The following PRTN3 variants were observed in gnomAD, a reference collection of about 807,000 sequenced individuals.
The protein encoded by PRTN3 is myeloblastin.
PRTN3 carries 22 observed loss-of-function variants against 20.7 expected under a neutral mutation model. The observed-to-expected ratio is 1.06, with a 90% CI of 0.76 to 1.52. The LOEUF (loss-of-function observed/expected upper bound fraction) is 1.52. PRTN3 is among the 40% of genes most tolerant of loss of function. The pLI, the probability that PRTN3 is intolerant of heterozygous loss-of-function variation, is 0.00. For missense variants in PRTN3, 378 were observed against 359.6 expected, an observed-to-expected ratio of 1.05 and a Z score of -0.41; for synonymous variants, 173 against 152.9, an observed-to-expected ratio of 1.13 and a Z score of -0.97.
At chr19:846,012 C>T (rs1011201265) in intron 3 of PRTN3, 135 bp from the exon 4 acceptor site, 19 of 566,146 alleles carry the variant, frequency 3.4e-5, no homozygotes, top group Admixed American at 1.0e-4. Context: ...CAAAGGGGGT[C>T]GTGGGGCCCA....
intron 1 of PRTN3, among the ~76,000 whole-genome samples, chr19:842,413 ATTTTTTTTTT>A (rs34047197): frequency 2.5e-5 from 1 of 39,418 alleles, no homozygotes; most frequent in Admixed American, 4.7e-4. Context: ...TGCGCCCAGG[ATTTTTTTTTT>A]TTTTTTTTTT....
At chr19:844,125 C>G (rs981917970) in intron 3 of PRTN3, 91 bp downstream of exon 3, 1 of 1,467,854 alleles carries the variant, frequency 6.8e-7, no homozygotes, top group Non-Finnish European at 9.1e-7. Context: ...TGAGCACCCA[C>G]TGTATACCGG....
intron 4 of PRTN3, among the ~76,000 whole-genome samples, chr19:847,489 A>T (rs1219126195): frequency 4.0e-5 from 6 of 151,624 alleles, no homozygotes; most frequent in Non-Finnish European, 5.9e-5. Context: ...AAAGAAAGAG[A>T]TAGAGAGAGA....
chr19:847,763 G>T (rs909242007), intron 4 of PRTN3, 36 bp from the exon 5 acceptor site: 3 of 1,578,372 alleles, frequency 1.9e-6, no homozygotes, highest in Non-Finnish European at 2.6e-6. Flanking sequence ...GACTCAGGTG[G>T]CCCCTGATGG....
rs2145126658 is a variant in PRTN3, at chr19:843,483, C to CCCGA, written c.84_85insCCGA (p.Val29ProfsTer159). 1.3e-6 allele frequency: 2 copies of CCCGA among 1,577,398 alleles called. No homozygotes were observed. The highest frequency in any genetic ancestry group is 1.7e-6 in the Non-Finnish European group (2 of 1,165,972). On this transcript the variant is annotated frameshift_variant, in exon 2 of 5. Transcript: ENST00000234347. LOFTEE classifies it high-confidence loss of function. ...CAGGTGCTGCCCGAGCTGCGGAGAT[C>CCCGA]GTGGGCGGGCACGAGGCGCAGCCAC... is the stretch of plus-strand genomic sequence containing the variant.
intron 3 of PRTN3, among the ~76,000 whole-genome samples, chr19:844,747 G>T (rs1264228246): frequency 6.6e-6 from 1 of 151,344 alleles, no homozygotes; most frequent in African/African-American, 2.4e-5. Flanking sequence ...ATTTTTGTCT[G>T]TGTTGTTCGT....
At chr19:843,409 C>T (rs1481520113) in intron 1 of PRTN3, 52 bp from the exon 2 acceptor site, 74 of 1,491,468 alleles carry the variant, frequency 5.0e-5, no homozygotes, top group Non-Finnish European at 6.2e-5. Flanking sequence ...CTGCCATCCC[C>T]CCTTTCCCTG....
In PRTN3 at chr19:845,633, G is replaced by A. The variant is rs1422524238; in HGVS notation, c.370-514G>A. Among the ~76,000 whole-genome samples the A allele has an allele frequency of 7.2e-5, 11 of 151,728 alleles. No homozygotes were observed. The East Asian group carries it at 1.7e-3, about 24-fold the overall frequency. On this transcript the variant is annotated intron_variant, in intron 3 of 4. Transcript: ENST00000234347. Reference sequence around the variant, plus strand: ...GGAGGCTGAGGCAGCAGAATTGCTTGAACCCAGGAGGCAGAGGTTGCAGTG... The same window carrying A: ...GGAGGCTGAGGCAGCAGAATTGCTTAAACCCAGGAGGCAGAGGTTGCAGTG...
At chr19:845,527 C>T (rs915678330) in intron 3 of PRTN3, among the ~76,000 whole-genome samples, 10 of 151,648 alleles carry the variant, frequency 6.6e-5, no homozygotes, top group Admixed American at 2.0e-4. Flanking sequence ...CCAGCCTGAT[C>T]GATATGGCAA....
intron 1 of PRTN3, 36 bp downstream of exon 1, chr19:841,105 G>A (rs1369515625): frequency 6.3e-7 from 1 of 1,596,158 alleles, no homozygotes; most frequent in Non-Finnish European, 8.5e-7. Flanking sequence ...CCAGCCTCCA[G>A]GCCCCGGTGG....
At chr19:845,584 G>C (rs2035505541) in intron 3 of PRTN3, among the ~76,000 whole-genome samples, 1 of 151,854 alleles carries the variant, frequency 6.6e-6, no homozygotes, top group African/African-American at 2.4e-5. Flanking sequence ...CGTGACGGCA[G>C]GTGTCTGTAG....
At chr19:846,807 A>G (rs1476443000) in intron 4 of PRTN3, among the ~76,000 whole-genome samples, 1 of 152,022 alleles carries the variant, frequency 6.6e-6, no homozygotes, top group Non-Finnish European at 1.5e-5. Context: ...CAGTGGTGAG[A>G]TCTCAGCTCA....
In PRTN3 at chr19:847,385, C is replaced by T. The variant is rs184814780; in HGVS notation, c.601-414C>T. Among the ~76,000 whole-genome samples, 35 of 151,020 alleles carry T rather than the reference C, an allele frequency of 2.3e-4. No homozygotes were observed. In the East Asian group the frequency reaches 3.9e-3, roughly 17 times the overall value. ...CCGGGAGGCAGAGGTTGCAGTGAGC[C>T]GAGATCACGGCACTGCACTCCAGCC... On this transcript the variant is annotated intron_variant, in intron 4 of 4. Coordinates refer to ENST00000234347, the MANE Select transcript of PRTN3 (RefSeq NM_002777.4).
At chr19:841,107 C>A (rs752877975) in intron 1 of PRTN3, 38 bp downstream of exon 1, 1 of 1,594,748 alleles carries the variant, frequency 6.3e-7, no homozygotes, top group South Asian at 1.1e-5. Flanking sequence ...AGCCTCCAGG[C>A]CCCGGTGGAT....
chr19:846,577 G>T (rs1382685901), intron 4 of PRTN3, among the ~76,000 whole-genome samples, 200 bp downstream of exon 4: 2 of 152,134 alleles, frequency 1.3e-5, no homozygotes, highest in Admixed American at 6.5e-5. Context: ...TGCTTGGGTG[G>T]GTCTGGGGGT....
intron 1 of PRTN3, among the ~76,000 whole-genome samples, chr19:842,300 G>A (rs1053199901): frequency 2.0e-5 from 3 of 146,566 alleles, no homozygotes; most frequent in African/African-American, 5.1e-5. Flanking sequence ...TCTGCAAAAT[G>A]GGTCTCTTTG....
At chr19:847,424 G>A (rs560722823) in intron 4 of PRTN3, among the ~76,000 whole-genome samples, 11 of 151,640 alleles carry the variant, frequency 7.3e-5, no homozygotes, top group Admixed American at 2.6e-4. Context: ...GTGACAGAGC[G>A]AGACTCTGTC....
chr19:842,365 G>GT (rs541539475), intron 1 of PRTN3, among the ~76,000 whole-genome samples: 175 of 72,088 alleles, frequency 2.4e-3, no homozygotes, highest in Non-Finnish European at 3.9e-3. Flanking sequence ...GTTTTGTTTT[G>GT]TTTTTTTGAG....
Position 848,138 on chromosome 19 carries a change from C to A in PRTN3, c.*169C>A, listed in dbSNP as rs2035544156. 1 of 776,258 alleles carries A rather than the reference C, an allele frequency of 1.3e-6. No individual in the cohort carries two copies. Among genetic ancestry groups the A allele is most frequent in the Non-Finnish European group, 2.0e-6 (1 of 498,782 alleles). The allele number at this position is 776,258 out of a possible 1,614,324, so 48.1% of individuals were successfully genotyped here. On this transcript the variant is annotated 3_prime_UTR_variant, in exon 5 of 5. Transcript: ENST00000234347. The stretch of plus-strand genomic sequence containing the variant: ...CTCCGGGAGACAGGCCGGCCCTGCA[C>A]CTCACCCCACCGTGACCTCAATAAA...
Sources: gnomAD v4.1 joint callset for allele counts (sites outside exome capture counted in the v4.1 genomes callset) on GRCh38, gnomAD v4.1.1 for gene constraint, MANE v1.5 for transcripts, NCBI Gene and HGNC (gene_info 2026-07-23, HGNC 2026-07-21) for gene names.